Variants in TACC2 observed in about 807,000 individuals in gnomAD.
The protein encoded by TACC2 is transforming acidic coiled-coil containing protein 2, also known as transforming acidic coiled-coil-containing protein 2.
A neutral mutation model predicts 227.3 loss-of-function variants in TACC2; 137 were observed. The ratio of observed to expected loss-of-function variants is 0.60; its 90% confidence interval spans 0.52 to 0.69. The LOEUF is 0.69. Ranked by LOEUF, TACC2 falls within the 30% of genes least tolerant of loss-of-function variation. TACC2 has a pLI of 0.00. For missense variants in TACC2, 3,470 were observed against 3,694.4 expected, an observed-to-expected ratio of 0.94 and a Z score of 1.57; for synonymous variants, 1,523 against 1,487.5, an observed-to-expected ratio of 1.02 and a Z score of -0.55.
intron 3 of TACC2, among the ~76,000 whole-genome samples, chr10:122,077,805 G>C (rs980446642): frequency 1.3e-5 from 2 of 152,174 alleles, no homozygotes; most frequent in Non-Finnish European, 2.9e-5. Context: ...TTTGACCCTG[G>C]GTCCTGTCTT....
At chr10:122,200,806 C>T (rs1252744273) in intron 8 of TACC2, among the ~76,000 whole-genome samples, 8 of 141,316 alleles carry the variant, frequency 5.7e-5, no homozygotes, top group African/African-American at 1.1e-4. Context: ...GGGAGGACGG[C>T]GACCTCACCT....
chr10:122,022,038 T>C (rs775400092), intron 2 of TACC2, 24 bp downstream of exon 2: 1 of 1,613,840 alleles, frequency 6.2e-7, no homozygotes, highest in South Asian at 1.1e-5. Context: ...AGCTTCTCTC[T>C]CGAGCTACGT....
Position 122,248,702 on chromosome 10 carries a change from A to G in TACC2, c.8452A>G (p.Lys2818Glu). ...HQTVQQLVLEKEQALADLNSV... is the reference protein window; with the variant it reads ...HQTVQQLVLEEEQALADLNSV... ...GACGGTGCAGCAGCTGGTTCTGGAG[A>G]AGGAGCAAGCCCTGGCCGACCTGAA... Residue 2818 changes from lysine to glutamate, a missense_variant, in exon 20 of 23, where the codon AAG (lysine) becomes GAG (glutamate). By Grantham distance (56) the Lys-to-Glu change is moderately conservative. This residue lies in a region of TACC2 where 65 missense variants were observed against 119.3 expected (regional missense o/e 0.54). Transcript: ENST00000369005. 6.2e-7 allele frequency: 1 copy of G among 1,614,046 alleles called. No homozygotes were observed. Among genetic ancestry groups the G allele is most frequent in the Non-Finnish European group, 8.5e-7 (1 of 1,180,036 alleles).
chr10:122,249,273 A>C (rs1039741238), intron 21 of TACC2, 117 bp downstream of exon 21: 3 of 784,260 alleles, frequency 3.8e-6, no homozygotes, highest in Non-Finnish European at 4.3e-6. Context: ...GCATCATCCA[A>C]GTGTGTGTTT....
intron 11 of TACC2, among the ~76,000 whole-genome samples, chr10:122,220,591 T>C (rs1020847587): frequency 6.6e-6 from 1 of 152,196 alleles, no homozygotes; most frequent in African/African-American, 2.4e-5. Flanking sequence ...ATGTGATTGA[T>C]CGTCAGAAAG....
intron 2 of TACC2, among the ~76,000 whole-genome samples, chr10:122,028,462 C>T (rs146202520): frequency 3.2e-4 from 49 of 152,158 alleles, no homozygotes; most frequent in African/African-American, 1.2e-3. Flanking sequence ...GATGTTTATA[C>T]CTAAGTATTA....
Position 122,211,281 on chromosome 10 carries a change from A to G in TACC2, c.6856A>G (p.Thr2286Ala). The G allele has an allele frequency of 6.2e-7, 1 of 1,614,080 alleles. No individual in the cohort carries two copies. ...WDNQQENPPP[T>A]KKIGKKPVAK... Reference sequence around the variant, plus strand: ...CAACCAGCAGGAAAACCCCCCTCCTACCAAAAAGATAGGCAAAAAGCCAGT... The same window carrying G: ...CAACCAGCAGGAAAACCCCCCTCCTGCCAAAAAGATAGGCAAAAAGCCAGT... The change falls in exon 9 of 23, where the codon ACC (threonine) becomes GCC (alanine). Residue 2286 changes from threonine to alanine, a missense_variant. Thr to Ala is a moderately conservative substitution (Grantham distance 58). Coordinates refer to ENST00000369005, the MANE Select transcript of TACC2 (RefSeq NM_206862.4).
At chr10:122,199,562 G>C (rs141360945) in intron 8 of TACC2, among the ~76,000 whole-genome samples, 1 of 152,186 alleles carries the variant, frequency 6.6e-6, no homozygotes, top group African/African-American at 2.4e-5. Flanking sequence ...TCACCATGGC[G>C]TGTGAAGAGC....
chr10:122,073,003 C>T (rs545845799), intron 3 of TACC2, among the ~76,000 whole-genome samples: 1 of 147,888 alleles, frequency 6.8e-6, no homozygotes, highest in South Asian at 2.2e-4. Context: ...GTCCCAGCTG[C>T]TAGGGAGGCT....
intron 7 of TACC2, among the ~76,000 whole-genome samples, chr10:122,179,955 G>A (rs1353672373): frequency 1.3e-5 from 2 of 151,870 alleles, no homozygotes; most frequent in African/African-American, 4.8e-5. Flanking sequence ...GTGGTGGCGT[G>A]TATCCATGGT....
Position 122,132,748 on chromosome 10 carries a change from C to T in TACC2, c.5699+14C>T, listed in dbSNP as rs1204655149. ...GATAGCCCAGAGGTACGGTGGGGGC[C>T]CTGGAGCTGGTGATGAGACCTCAGG... On this transcript the variant is annotated intron_variant, in intron 6 of 22. Transcript: ENST00000369005. 1 of 1,613,766 alleles carries T rather than the reference C, an allele frequency of 6.2e-7. No individual in the cohort carries two copies. Among genetic ancestry groups the T allele is most frequent in the Non-Finnish European group, 8.5e-7 (1 of 1,179,856 alleles).
At chr10:122,178,879 C>A (rs925503773) in intron 7 of TACC2, among the ~76,000 whole-genome samples, 1 of 152,056 alleles carries the variant, frequency 6.6e-6, no homozygotes, top group Non-Finnish European at 1.5e-5. Context: ...CCTGTCTCAA[C>A]AAAACAAAAC....
At chr10:122,072,997 C>T (rs1451918359) in intron 3 of TACC2, among the ~76,000 whole-genome samples, 2 of 150,068 alleles carry the variant, frequency 1.3e-5, no homozygotes, top group African/African-American at 4.9e-5. Flanking sequence ...CCTGTAGTCC[C>T]AGCTGCTAGG....
At chr10:122,107,232 T>C (rs1373993598) in intron 5 of TACC2, among the ~76,000 whole-genome samples, 1 of 152,180 alleles carries the variant, frequency 6.6e-6, no homozygotes, top group African/African-American at 2.4e-5. Flanking sequence ...CTGAAAAGCA[T>C]CTCCATCAGA....
chr10:122,045,573 C>T (rs540872691), intron 2 of TACC2, among the ~76,000 whole-genome samples: 28 of 152,322 alleles, frequency 1.8e-4, no homozygotes, highest in Admixed American at 7.8e-4. Flanking sequence ...TTGCTGCTGT[C>T]GTAGCAGAAA....
At chr10:122,128,020 T>C (rs959211225) in intron 5 of TACC2, among the ~76,000 whole-genome samples, 2 of 152,194 alleles carry the variant, frequency 1.3e-5, no homozygotes, top group African/African-American at 4.8e-5. Context: ...GCCTGTAGCC[T>C]GTTAGAAGCA....
intron 1 of TACC2, among the ~76,000 whole-genome samples, chr10:122,003,011 T>C (rs1272463786): frequency 6.6e-6 from 1 of 152,158 alleles, no homozygotes; most frequent in Non-Finnish European, 1.5e-5. Flanking sequence ...GAAACCAGCC[T>C]GGCCAACATG....
chr10:122,222,529 T>A (rs1346791495), intron 11 of TACC2, among the ~76,000 whole-genome samples: 2 of 152,108 alleles, frequency 1.3e-5, no homozygotes, highest in Non-Finnish European at 2.9e-5. Context: ...AGTACCCCAC[T>A]TTTGCACCGT....
chr10:122,130,974 T>G (rs950359606), intron 5 of TACC2, among the ~76,000 whole-genome samples: 8 of 152,136 alleles, frequency 5.3e-5, no homozygotes, highest in Admixed American at 3.3e-4. Context: ...TGCACCTTCC[T>G]TCTTAGCAGT....
Sources: allele counts gnomAD v4.1 joint callset (sites outside exome capture counted in the v4.1 genomes callset), GRCh38; gene constraint gnomAD v4.1.1; regional missense constraint gnomAD v4.1.1; transcripts MANE v1.5; gene names NCBI Gene and HGNC (gene_info 2026-07-23, HGNC 2026-07-21).